The following PTPRD variants were observed in gnomAD, a reference collection of about 807,000 sequenced individuals.
PTPRD encodes receptor-type tyrosine-protein phosphatase delta.
PTPRD carries 34 observed loss-of-function variants against 214.5 expected under a neutral mutation model. The observed-to-expected ratio is 0.16, with a 90% CI of 0.12 to 0.21. PTPRD has a LOEUF of 0.21. Among genes scored for constraint, PTPRD ranks in the 10% least tolerant of loss-of-function variants. The pLI is 1.00. For synonymous variants in PTPRD, 1,128 were observed against 845.7 expected (o/e 1.33, Z -5.79); for missense variants, 2,545 against 2,398.7 (o/e 1.06, Z -1.27).
At position 9,176,220 on chromosome 9, in the gene PTPRD, C is replaced by T. The variant is rs139213758; in HGVS notation, c.-143+7084G>A. 7.9e-5 allele frequency among the ~76,000 whole-genome samples: 12 copies of T among 152,278 alleles called. No individual in the cohort carries two copies. The East Asian group carries it at 2.3e-3, about 29-fold the overall frequency. ...TTGTTCTGGTTCTACACTCTGCCACCTATAATTGAATGTGATTGAATTAAT... is the reference window on the plus strand; with the variant it reads ...TTGTTCTGGTTCTACACTCTGCCACTTATAATTGAATGTGATTGAATTAAT... On this transcript the variant is annotated intron_variant, in intron 10 of 45. Coordinates refer to ENST00000381196, the MANE Select transcript of PTPRD (RefSeq NM_002839.4).
rs2139459728 is a variant in PTPRD, at chr9:8,528,629, G to C, written c.503C>G (p.Thr168Arg). 6.2e-7 allele frequency: 1 copy of C among 1,613,626 alleles called. No individual in the cohort carries two copies. The highest frequency in any genetic ancestry group is 8.5e-7 in the Non-Finnish European group (1 of 1,179,710). Residue 168 changes from threonine to arginine, a missense_variant, in exon 15 of 46, where the codon ACA becomes AGA. By Grantham distance (71) the Thr-to-Arg change is moderately conservative. Transcript: ENST00000381196. ...CTTAATACGACCATTGTTGTTGCTT[G>C]TGTCCACAGGTAAGAAATCTTTAAA... Reference protein sequence around the residue: ...TWFKDFLPVDTSNNNGRIKQL... With the variant: ...TWFKDFLPVDRSNNNGRIKQL...
chr9:9,531,334 G>A (rs1243842424), intron 8 of PTPRD, among the ~76,000 whole-genome samples: 2 of 152,132 alleles, frequency 1.3e-5, no homozygotes, highest in Non-Finnish European at 2.9e-5. Context: ...AGGAAATTGA[G>A]GGCTGAGAGA....
intron 4 of PTPRD, among the ~76,000 whole-genome samples, chr9:10,003,880 A>G (rs1039558869): frequency 1.3e-5 from 2 of 151,794 alleles, no homozygotes; most frequent in African/African-American, 2.4e-5. Flanking sequence ...AAGCCGACAT[A>G]CCCGATTTAT....
intron 39 of PTPRD, among the ~76,000 whole-genome samples, chr9:8,361,727 G>A (rs141824213): frequency 6.6e-6 from 1 of 152,308 alleles, no homozygotes; most frequent in East Asian, 1.9e-4. Flanking sequence ...TTGAAGCTGT[G>A]TGATGCGTGC....
chr9:10,290,171 G>A (rs1259902428), intron 3 of PTPRD, among the ~76,000 whole-genome samples: 1 of 152,084 alleles, frequency 6.6e-6, no homozygotes, highest in African/African-American at 2.4e-5. Context: ...GGTGGTTGCT[G>A]CTATCCACAA....
chr9:10,307,994 A>AT (rs1182122029), intron 3 of PTPRD, among the ~76,000 whole-genome samples: 1 of 151,416 alleles, frequency 6.6e-6, no homozygotes, highest in Non-Finnish European at 1.5e-5. Flanking sequence ...GTTTGCAAAT[A>AT]TTTTTTCTCA....
intron 8 of PTPRD, among the ~76,000 whole-genome samples, chr9:9,513,750 A>G (rs1366327664): frequency 6.6e-6 from 1 of 152,028 alleles, no homozygotes; most frequent in Non-Finnish European, 1.5e-5. Context: ...ATAAAAGAAT[A>G]TTATCTACAA....
chr9:8,717,355 A>G (rs895484995), intron 12 of PTPRD, among the ~76,000 whole-genome samples: 1 of 152,148 alleles, frequency 6.6e-6, no homozygotes, highest in African/African-American at 2.4e-5. Flanking sequence ...TCAAGCACTT[A>G]TAAAGTCAAC....
At chr9:9,245,661 T>C (rs948979437) in intron 9 of PTPRD, among the ~76,000 whole-genome samples, 1 of 152,000 alleles carries the variant, frequency 6.6e-6, no homozygotes, top group Non-Finnish European at 1.5e-5. Flanking sequence ...GGAGATATAC[T>C]TAATGCTAAA....
At chr9:9,017,984 T>C (rs2099543373) in intron 11 of PTPRD, among the ~76,000 whole-genome samples, 1 of 152,188 alleles carries the variant, frequency 6.6e-6, no homozygotes, top group African/African-American at 2.4e-5. Context: ...TTCTTCCAAA[T>C]ATTTACAATG....
intron 5 of PTPRD, among the ~76,000 whole-genome samples, chr9:9,788,948 T>C (rs1246323474): frequency 6.6e-6 from 1 of 152,212 alleles, no homozygotes; most frequent in African/African-American, 2.4e-5. Flanking sequence ...CTCACAAGTT[T>C]CCGGTGCCTC....
intron 2 of PTPRD, among the ~76,000 whole-genome samples, chr9:10,519,703 T>C (rs905742083): frequency 9.9e-5 from 15 of 152,194 alleles, no homozygotes; most frequent in African/African-American, 3.6e-4. Context: ...CACATTTTGG[T>C]AATTCTCTTA....
intron 11 of PTPRD, among the ~76,000 whole-genome samples, chr9:8,782,887 C>G (rs36083310): frequency 1.3e-5 from 2 of 152,014 alleles, no homozygotes; most frequent in Non-Finnish European, 2.9e-5. Flanking sequence ...TGAGCCACCA[C>G]GCCTGGCCTA....
chr9:9,394,705 T>C (rs2067107718), intron 9 of PTPRD, among the ~76,000 whole-genome samples: 1 of 152,114 alleles, frequency 6.6e-6, no homozygotes, highest in African/African-American at 2.4e-5. Context: ...CATAGAATAG[T>C]ATATATACAT....
intron 8 of PTPRD, among the ~76,000 whole-genome samples, chr9:9,489,552 G>A (rs2095811771): frequency 6.6e-6 from 1 of 152,102 alleles, no homozygotes; most frequent in Non-Finnish European, 1.5e-5. Context: ...TGGTGATATT[G>A]ATTTAGAGCT....
At chr9:9,349,918 G>A (rs189569613) in intron 9 of PTPRD, among the ~76,000 whole-genome samples, 22 of 152,200 alleles carry the variant, frequency 1.4e-4, no homozygotes, top group African/African-American at 5.1e-4. Flanking sequence ...AGGAAGCACT[G>A]TCTATATTTA....
chr9:9,434,781 A>T (rs2084561573), intron 8 of PTPRD, among the ~76,000 whole-genome samples: 1 of 150,896 alleles, frequency 6.6e-6, no homozygotes, highest in Non-Finnish European at 1.5e-5. Flanking sequence ...CATTTTATTT[A>T]GGTTGCTCTG....
intron 11 of PTPRD, among the ~76,000 whole-genome samples, chr9:8,820,097 G>T (rs2097019557): frequency 6.6e-6 from 1 of 152,090 alleles, no homozygotes; most frequent in African/African-American, 2.4e-5. Flanking sequence ...ATCAGAATAT[G>T]TAACAATAAC....
At chr9:10,150,489 C>T (rs954413641) in intron 3 of PTPRD, among the ~76,000 whole-genome samples, 2 of 151,554 alleles carry the variant, frequency 1.3e-5, no homozygotes, top group African/African-American at 4.9e-5. Flanking sequence ...GGGTGGGGAA[C>T]ATCACATACC....
Sources: gnomAD v4.1 joint callset for allele counts (sites outside exome capture counted in the v4.1 genomes callset) on GRCh38, gnomAD v4.1.1 for gene constraint, MANE v1.5 for transcripts, NCBI Gene and HGNC (gene_info 2026-07-23, HGNC 2026-07-21) for gene names.